The following NCKAP5 variants were observed in gnomAD, a reference collection of about 807,000 sequenced individuals.
NCKAP5 encodes the protein NCK associated protein 5.
Under a neutral mutation model 167.0 loss-of-function variants are expected in NCKAP5, and 92 were observed. The ratio of observed to expected loss-of-function variants is 0.55; its 90% CI spans 0.47 to 0.66. NCKAP5 has a LOEUF of 0.66. NCKAP5 is among the 30% of genes least tolerant of loss of function. NCKAP5 has a pLI of 0.00. For missense variants in NCKAP5, 2,378 were observed against 2,315.0 expected, an observed-to-expected ratio of 1.03 and a Z score of -0.56; for synonymous variants, 891 against 877.4, an observed-to-expected ratio of 1.02 and a Z score of -0.27.
Position 132,975,006 on chromosome 2 carries a change from G to A in NCKAP5, c.430-11137C>T, listed in dbSNP as rs371546411. ...CTCATTTGTTTTCTGGTGGTGAGGA[G>A]GGTGTGCAAAATATATTGTCACTTT... is the stretch of plus-strand genomic sequence containing the variant. On this transcript the variant is annotated intron_variant, in intron 7 of 19. Coordinates refer to ENST00000409261, the MANE Select transcript of NCKAP5 (RefSeq NM_207363.3). Among the ~76,000 whole-genome samples, 45 of 152,298 alleles carry A rather than the reference G, an allele frequency of 3.0e-4. 2 individuals carry two copies. The South Asian group carries it at 9.1e-3, about 31-fold the overall frequency.
intron 3 of NCKAP5, among the ~76,000 whole-genome samples, chr2:133,503,041 G>A (rs36064721): frequency 1.3e-4 from 20 of 152,222 alleles, no homozygotes; most frequent in Non-Finnish European, 2.4e-4. Context: ...TCAGCTCTCA[G>A]GGGTGAGCCA....
chr2:132,910,445 T>A (rs4954007), intron 8 of NCKAP5, among the ~76,000 whole-genome samples: 19,223 of 152,002 alleles, frequency 0.13, 2,188 homozygotes, highest in Admixed American at 0.26. Context: ...CTAGTAACCA[T>A]CCTTCTACTC....
At chr2:133,643,321 A>T in the NCKAP5 span, among the ~76,000 whole-genome samples, 1 of 152,136 alleles carries the variant, frequency 6.6e-6, no homozygotes, top group Non-Finnish European at 1.5e-5. Context: ...GAAAGGGAAA[A>T]CTTTTAAGCT....
chr2:133,631,322 T>A, the NCKAP5 span, among the ~76,000 whole-genome samples: 1 of 152,250 alleles, frequency 6.6e-6, no homozygotes, highest in Non-Finnish European at 1.5e-5. Context: ...TCTGGTGGTC[T>A]CTTTAACTTA....
chr2:133,395,791 G>A (rs1238261171), intron 3 of NCKAP5, among the ~76,000 whole-genome samples: 1 of 151,962 alleles, frequency 6.6e-6, no homozygotes, highest in East Asian at 1.9e-4. Context: ...GGCTATAGGT[G>A]TCCCACCACA....
At position 132,784,784 on chromosome 2, in the gene NCKAP5, C is replaced by T. The variant is rs530244033; in HGVS notation, c.2027G>A (p.Gly676Asp). The T allele has an allele frequency of 6.2e-6, 10 of 1,604,844 alleles. No individual in the cohort carries two copies. The South Asian group carries it at 1.0e-4, about 16-fold the overall frequency. Residue 676 changes from glycine (G) to aspartate (D), a missense_variant, in exon 14 of 20, where the codon GGT becomes GAT. Coordinates refer to ENST00000409261, the MANE Select transcript of NCKAP5 (RefSeq NM_207363.3). ...GTGAGAGCTGAATTCAATGGGCTCA[C>T]CGTCTTCCGCATCAAATATCACAGT... ...CVTVIFDAED[G>D]EPIEFSSHQT... is the part of the protein sequence containing the mutation.
At chr2:133,023,404 T>TC (rs536192689) in intron 6 of NCKAP5, among the ~76,000 whole-genome samples, 14 of 152,262 alleles carry the variant, frequency 9.2e-5, no homozygotes, top group Non-Finnish European at 2.1e-4. Context: ...CTTCTGTTTC[T>TC]CCTTTAAGTA....
chr2:133,578,235 G>T, the NCKAP5 span, among the ~76,000 whole-genome samples: 1 of 151,974 alleles, frequency 6.6e-6, no homozygotes, highest in Non-Finnish European at 1.5e-5. Flanking sequence ...ATCTCCATTT[G>T]TCTTGCCACC....
intron 6 of NCKAP5, among the ~76,000 whole-genome samples, chr2:132,997,037 C>T (rs1464872993): frequency 6.6e-6 from 1 of 152,200 alleles, no homozygotes; most frequent in Non-Finnish European, 1.5e-5. Flanking sequence ...CAGGCTGATC[C>T]AGCTTCTCCC....
chr2:133,671,427 G>C, the NCKAP5 span, among the ~76,000 whole-genome samples: 56,471 of 151,738 alleles, frequency 0.37, 11,618 homozygotes, highest in South Asian at 0.47. Context: ...GAGTGATGAA[G>C]GTTCTGCCCT....
chr2:133,367,215 A>C (rs934653116), intron 3 of NCKAP5, among the ~76,000 whole-genome samples: 3 of 152,162 alleles, frequency 2.0e-5, no homozygotes, highest in African/African-American at 7.2e-5. Flanking sequence ...TGGGTTACAG[A>C]CCTGACCTCC....
At chr2:133,602,114 A>G in the NCKAP5 span, among the ~76,000 whole-genome samples, 15 of 152,190 alleles carry the variant, frequency 9.9e-5, no homozygotes, top group Non-Finnish European at 1.8e-4. Flanking sequence ...GGCAACAAGA[A>G]AATTCTGGGA....
At chr2:133,026,391 T>C (rs1482758756) in intron 6 of NCKAP5, among the ~76,000 whole-genome samples, 1 of 149,678 alleles carries the variant, frequency 6.7e-6, no homozygotes, top group Non-Finnish European at 1.5e-5. Flanking sequence ...TTTTTTTTTT[T>C]TTAAGAACAC....
At chr2:133,268,927 A>G (rs979896971) in intron 4 of NCKAP5, 28 of 152,218 alleles carry the variant, frequency 1.8e-4, no homozygotes, top group African/African-American at 4.6e-4. Context: ...ATGAAGTATC[A>G]TGCTGGTGAC....
chr2:133,550,321 T>C (rs1687175246), intron 2 of NCKAP5, among the ~76,000 whole-genome samples: 1 of 149,378 alleles, frequency 6.7e-6, no homozygotes, highest in Admixed American at 6.6e-5. Context: ...CCAATATCCT[T>C]GATGAACATT....
intron 5 of NCKAP5, among the ~76,000 whole-genome samples, chr2:133,183,507 G>A (rs1235736275): frequency 1.3e-5 from 2 of 152,128 alleles, no homozygotes; most frequent in Non-Finnish European, 2.9e-5. Flanking sequence ...AAAAGCATTT[G>A]ACAAACTTCA....
chr2:133,514,076 A>G (rs1392010311), intron 3 of NCKAP5, among the ~76,000 whole-genome samples: 1 of 152,104 alleles, frequency 6.6e-6, no homozygotes, highest in Non-Finnish European at 1.5e-5. Flanking sequence ...AGAGGACTCG[A>G]TTTCTGGGGT....
At chr2:132,831,461 T>G (rs1306305689) in intron 11 of NCKAP5, among the ~76,000 whole-genome samples, 1 of 152,154 alleles carries the variant, frequency 6.6e-6, no homozygotes, top group Non-Finnish European at 1.5e-5. Flanking sequence ...AACAATGTTG[T>G]TTGATTGCTG....
At chr2:132,826,057 T>C (rs953266670) in intron 11 of NCKAP5, among the ~76,000 whole-genome samples, 7 of 152,230 alleles carry the variant, frequency 4.6e-5, no homozygotes, top group Non-Finnish European at 8.8e-5. Context: ...TTCAATTGCT[T>C]ATTTAAAAGG....
Sources: allele counts gnomAD v4.1 joint callset (sites outside exome capture counted in the v4.1 genomes callset), GRCh38; gene constraint gnomAD v4.1.1; transcripts MANE v1.5; gene names NCBI Gene and HGNC (gene_info 2026-07-23, HGNC 2026-07-21).